Variants in IRX5 observed in about 807,000 individuals in gnomAD.
The protein encoded by IRX5 is iroquois-class homeodomain protein IRX-5.
In IRX5, 8 loss-of-function variants were observed where a neutral mutation model predicts 37.6. The observed-to-expected ratio is 0.21, with a 90% CI of 0.12 to 0.38. IRX5 has a LOEUF of 0.38. Among genes scored for constraint, IRX5 ranks in the 10% least tolerant of loss-of-function variants. The pLI, the probability that IRX5 is intolerant of heterozygous loss-of-function variation, is 1.00. For synonymous variants in IRX5, 359 were observed against 328.6 expected (o/e 1.09, Z -1.00); for missense variants, 635 against 695.2 (o/e 0.91, Z 0.97).
rs1239599158 is a variant in IRX5 at position 54,933,775 on chromosome 16, G to C, written c.1354G>C (p.Ala452Pro). 6.2e-7 allele frequency: 1 copy of C among 1,614,122 alleles called. No homozygotes were observed. Among genetic ancestry groups the C allele is most frequent in the South Asian group, 1.1e-5 (1 of 91,076 alleles). ...LNQTVLNRAD[A>P]LAKDPKMLRS... ...CCAGACCGTGTTGAACCGAGCGGAC[G>C]CTTTGGCTAAAGACCCGAAAATGTT... is the stretch of plus-strand genomic sequence containing the variant. The change falls in exon 3 of 3, where the codon GCT (alanine) becomes CCT (proline). Residue 452 changes from alanine to proline, a missense_variant. Transcript: ENST00000394636.
Position 54,933,150 on chromosome 16 carries a change from G to C in IRX5, c.729G>C (p.Thr243=), listed in dbSNP as rs1318938212. ...QGPPTPAGKE[T]EGSLSDSDFK... is the part of the protein sequence containing the mutation. The stretch of plus-strand genomic sequence containing the variant: ...CACCCACCCCTGCAGGCAAGGAGAC[G>C]GAGGGCAGCCTCAGCGACTCGGATT... The change falls in exon 3 of 3, where the codon ACG becomes ACC. Residue 243 remains threonine, a synonymous_variant. Coordinates refer to ENST00000394636, the MANE Select transcript of IRX5 (RefSeq NM_005853.6). The C allele has an allele frequency of 1.3e-6, 2 of 1,580,108 alleles. No homozygotes were observed. Among genetic ancestry groups the C allele is most frequent in the East Asian group, 2.3e-5 (1 of 43,748 alleles).
chr16:54,932,967 G>T lies in IRX5; in HGVS notation c.655+64G>T. 6.3e-7 allele frequency: 1 copy of T among 1,585,118 alleles called. No homozygotes were observed. Among genetic ancestry groups the T allele is most frequent in the East Asian group, 2.2e-5 (1 of 44,562 alleles). On this transcript the variant is annotated intron_variant, in intron 2 of 2. Coordinates refer to ENST00000394636, the MANE Select transcript of IRX5 (RefSeq NM_005853.6). This position sits in a 1 kb window ranked among gnomAD's most constrained non-coding sequence, Gnocchi z 6.7. ...AAAAGGAAAAGAGAGGCCTGGAGGG[G>T]GCGCGCACGGGGCCTGGAGGTTGGG... is the stretch of plus-strand genomic sequence containing the variant.
chr16:54,932,358 C>A lies in IRX5; in HGVS notation c.250-140C>A. 1 of 986,402 alleles carries A rather than the reference C, an allele frequency of 1.0e-6. No individual in the cohort carries two copies. The highest frequency in any genetic ancestry group is 1.5e-6 in the Non-Finnish European group (1 of 685,000). 61.1% of individuals were successfully genotyped at this position (986,402 alleles called of 1,614,324 possible). The stretch of plus-strand genomic sequence containing the variant: ...AGTTGCTCCTAGGTCTGAACCCCGC[C>A]AGCCTTGCCCCGTAGGAAGCTGGAG... On this transcript the variant is annotated intron_variant, in intron 1 of 2. Coordinates refer to ENST00000394636, the MANE Select transcript of IRX5 (RefSeq NM_005853.6). The surrounding 1 kb of genome is among the most constrained non-coding windows in gnomAD (Gnocchi z 6.7).
In IRX5 at chr16:54,932,918, G is replaced by A. The variant is rs1271975785; in HGVS notation, c.655+15G>A. ...CCCCGAAGCAGGTTGGTGGACATGG[G>A]AAAGGGCGTGTTGGGCGGGAGTAAA... is the stretch of plus-strand genomic sequence containing the variant. On this transcript the variant is annotated intron_variant, in intron 2 of 2. Transcript: ENST00000394636. This position sits in a 1 kb window ranked among gnomAD's most constrained non-coding sequence, Gnocchi z 6.7. 6 of 1,601,376 alleles carry A rather than the reference G, an allele frequency of 3.7e-6. No individual in the cohort carries two copies. Among genetic ancestry groups the A allele is most frequent in the Non-Finnish European group, 5.1e-6 (6 of 1,174,236 alleles).
Position 54,931,353 on chromosome 16 carries a change from C to T in IRX5, c.155C>T (p.Thr52Ile). ...GSAFSPYAGS[T>I]AFTAPSPGYN... ...GCGTTCTCGCCCTACGCTGGCTCGACTGCCTTCACGGCGCCCTCGCCGGGC... is the reference window on the plus strand; with the variant it reads ...GCGTTCTCGCCCTACGCTGGCTCGATTGCCTTCACGGCGCCCTCGCCGGGC... Residue 52 changes from threonine to isoleucine, a missense_variant, in exon 1 of 3, where the codon ACT becomes ATT. By Grantham distance (89) the Thr-to-Ile change is moderately conservative. Around this residue, in one of 5 missense-constraint regions of IRX5, gnomAD observed 145 missense variants for 152.4 expected, o/e 0.95. Transcript: ENST00000394636. 6.2e-7 allele frequency: 1 copy of T among 1,608,810 alleles called. No individual in the cohort carries two copies. Among genetic ancestry groups the T allele is most frequent in the South Asian group, 1.1e-5 (1 of 91,016 alleles).
intron 1 of IRX5, among the ~76,000 whole-genome samples, chr16:54,931,827 A>C (rs1176689626): frequency 3.3e-5 from 5 of 152,230 alleles, no homozygotes; most frequent in African/African-American, 1.2e-4. Context: ...AAGCGTGCTA[A>C]GTCTATGTAA....
Position 54,933,274 on chromosome 16 carries a change from G to A in IRX5, c.853G>A (p.Glu285Lys). Residue 285 changes from glutamate (E) to lysine (K), a missense_variant, in exon 3 of 3, where the codon GAG becomes AAG. Around this residue, in one of 5 missense-constraint regions of IRX5, gnomAD observed 244 missense variants for 205.4 expected, o/e 1.19. Coordinates refer to ENST00000394636, the MANE Select transcript of IRX5 (RefSeq NM_005853.6). ...TGGGCCAGCGGCGGCGCGGCTGGCG[G>A]AGGACCCGGCCCCTCACTACCCCGC... ...PAGPAAARLA[E>K]DPAPHYPAGA... 1 of 1,326,802 alleles carries A rather than the reference G, an allele frequency of 7.5e-7. No individual in the cohort carries two copies. The highest frequency in any genetic ancestry group is 2.2e-5 in the South Asian group (1 of 46,438). 82.2% of individuals were successfully genotyped at this position (1,326,802 alleles called of 1,614,324 possible). A position where few individuals can be genotyped will look rare whatever the true frequency, so the allele number is the denominator to read the frequency against.
chr16:54,932,687 A>G lies in IRX5; in HGVS notation c.439A>G (p.Ile147Val), dbSNP rs886163302. 2 of 1,613,930 alleles carry G rather than the reference A, an allele frequency of 1.2e-6. No homozygotes were observed. ...KNPYPTKGEK[I>V]MLAIITKMTL... ...CCCCTACCCCACCAAGGGCGAGAAG[A>G]TCATGCTGGCCATCATCACCAAGAT... The change falls in exon 2 of 3, where the codon ATC becomes GTC. Residue 147 changes from isoleucine (I) to valine (V), a missense_variant. Ile to Val is a conservative substitution (Grantham distance 29). Coordinates refer to ENST00000394636, the MANE Select transcript of IRX5 (RefSeq NM_005853.6). The surrounding 1 kb of genome is among the most constrained non-coding windows in gnomAD (Gnocchi z 6.7).
chr16:54,932,580 AC>A lies in IRX5; in HGVS notation c.333del (p.Tyr111Ter). The A allele has an allele frequency of 6.2e-7, 1 of 1,613,974 alleles. No homozygotes were observed. Among genetic ancestry groups the A allele is most frequent in the South Asian group, 1.1e-5 (1 of 91,066 alleles). On this transcript the variant is annotated frameshift_variant, in exon 2 of 3. Coordinates refer to ENST00000394636, the MANE Select transcript of IRX5 (RefSeq NM_005853.6). LOFTEE classifies it high-confidence loss of function. This position sits in a 1 kb window ranked among gnomAD's most constrained non-coding sequence, Gnocchi z 6.7. ...PYAAPLGSYP[Y>X]GDPAYRKNAT... ...GCGGCGCCCCTGGGATCGTACCCTTACGGGGACCCAGCGTACCGGAAGAACG... is the reference window on the plus strand; with the variant it reads ...GCGGCGCCCCTGGGATCGTACCCTTAGGGGACCCAGCGTACCGGAAGAACG...
rs1963909419 is a variant in IRX5, at chr16:54,932,422, G to T, written c.250-76G>T. 6.7e-7 allele frequency: 1 copy of T among 1,501,838 alleles called. No homozygotes were observed. 93.0% of individuals were successfully genotyped at this position (1,501,838 alleles called of 1,614,324 possible). A position where few individuals can be genotyped will look rare whatever the true frequency, so the allele number is the denominator to read the frequency against. ...CACCCACAGACCCCGGGGAGCGCAG[G>T]GAAAAGGGTGCTTCGGTCGTTCCGA... On this transcript the variant is annotated intron_variant, in intron 1 of 2. Transcript: ENST00000394636. This position sits in a 1 kb window ranked among gnomAD's most constrained non-coding sequence, Gnocchi z 6.7.
At position 54,931,160 on chromosome 16, in the gene IRX5, G is replaced by C; in HGVS notation, c.-39G>C. 7.6e-7 allele frequency: 1 copy of C among 1,317,800 alleles called. No homozygotes were observed. The highest frequency in any genetic ancestry group is 3.0e-5 in the East Asian group (1 of 33,126). 81.6% of individuals were successfully genotyped at this position (1,317,800 alleles called of 1,614,324 possible). A position where few individuals can be genotyped will look rare whatever the true frequency, so the allele number is the denominator to read the frequency against. On this transcript the variant is annotated 5_prime_UTR_variant, in exon 1 of 3. Transcript: ENST00000394636. ...TCGCAGGGCGCCGCCCGGCTCGTTG[G>C]CGGCCGCGGCGCGGCGCGCCCCATG...
intron 1 of IRX5, chr16:54,931,956 CG>C (rs1963902589): frequency 1.6e-6 from 1 of 637,742 alleles, no homozygotes; most frequent in Non-Finnish European, 2.8e-6. Flanking sequence ...GCGGTGCATC[CG>C]GGATTTTTCG....
rs1248074585 is a variant in IRX5, at chr16:54,931,322, G to C, written c.124G>C (p.Gly42Arg). ...RTDELGRSSS[G>R]SAFSPYAGST... Reference sequence around the variant, plus strand: ...GGATGAGCTCGGCCGCTCTTCTTCGGGCTCCGCGTTCTCGCCCTACGCTGG... The same window carrying C: ...GGATGAGCTCGGCCGCTCTTCTTCGCGCTCCGCGTTCTCGCCCTACGCTGG... Residue 42 changes from glycine to arginine, a missense_variant, in exon 1 of 3, where the codon GGC (glycine) becomes CGC (arginine). Coordinates refer to ENST00000394636, the MANE Select transcript of IRX5 (RefSeq NM_005853.6). The C allele has an allele frequency of 1.2e-6, 2 of 1,611,760 alleles. No homozygotes were observed. Among genetic ancestry groups the C allele is most frequent in the African/African-American group, 2.7e-5 (2 of 74,902 alleles).
Position 54,932,913 on chromosome 16 carries a change from C to G in IRX5, c.655+10C>G. The G allele has an allele frequency of 6.2e-7, 1 of 1,603,908 alleles. No individual in the cohort carries two copies. Among genetic ancestry groups the G allele is most frequent in the South Asian group, 1.1e-5 (1 of 90,114 alleles). ...GAGGGCCCCGAAGCAGGTTGGTGGA[C>G]ATGGGAAAGGGCGTGTTGGGCGGGA... On this transcript the variant is annotated intron_variant, in intron 2 of 2. Coordinates refer to ENST00000394636, the MANE Select transcript of IRX5 (RefSeq NM_005853.6). The surrounding 1 kb of genome is among the most constrained non-coding windows in gnomAD (Gnocchi z 6.7).
rs779991908 is a variant in IRX5, at chr16:54,932,680, C to G, written c.432C>G (p.Gly144=). The G allele has an allele frequency of 3.0e-5, 48 of 1,613,886 alleles. No homozygotes were observed. The African/African-American group carries it at 5.7e-4, about 19-fold the overall frequency. The stretch of plus-strand genomic sequence containing the variant: ...GCAAGAACCCCTACCCCACCAAGGG[C>G]GAGAAGATCATGCTGGCCATCATCA... ...EHRKNPYPTK[G]EKIMLAIITK... Residue 144 remains glycine (G), a synonymous_variant, in exon 2 of 3, where the codon GGC becomes GGG. Transcript: ENST00000394636. This position sits in a 1 kb window ranked among gnomAD's most constrained non-coding sequence, Gnocchi z 6.7.
chr16:54,933,573 C>T lies in IRX5; in HGVS notation c.1152C>T (p.Arg384=), dbSNP rs746931412. The T allele has an allele frequency of 1.9e-6, 3 of 1,608,854 alleles. No individual in the cohort carries two copies. Among genetic ancestry groups the T allele is most frequent in the Non-Finnish European group, 2.5e-6 (3 of 1,177,432 alleles). The part of the protein sequence containing the change: ...SRASPAPAPS[R]SPSAQCPFPG... ...CGTCGCCGGCCCCGGCGCCGTCACGCTCGCCCTCGGCGCAGTGTCCTTTTC... is the reference window on the plus strand; with the variant it reads ...CGTCGCCGGCCCCGGCGCCGTCACGTTCGCCCTCGGCGCAGTGTCCTTTTC... Residue 384 remains arginine (R), a synonymous_variant, in exon 3 of 3, where the codon CGC becomes CGT. Coordinates refer to ENST00000394636, the MANE Select transcript of IRX5 (RefSeq NM_005853.6).
Position 54,933,207 on chromosome 16 carries a change from C to T in IRX5, c.786C>T (p.Asp262=). Residue 262 remains aspartate (D), a synonymous_variant, in exon 3 of 3, where the codon GAC becomes GAT. Transcript: ENST00000394636. ...AGCCGCCCTCGGAGGGCCGCCTCGACGCGCTGCAGGGCCCCCCCCGCACCG... is the reference window on the plus strand; with the variant it reads ...AGCCGCCCTCGGAGGGCCGCCTCGATGCGCTGCAGGGCCCCCCCCGCACCG... ...FKEPPSEGRL[D]ALQGPPRTGG... is the part of the protein sequence containing the mutation. 3 of 1,532,812 alleles carry T rather than the reference C, an allele frequency of 2.0e-6. No individual in the cohort carries two copies. The highest frequency in any genetic ancestry group is 1.7e-6 in the Non-Finnish European group (2 of 1,146,496). The allele number at this position is 1,532,812 out of a possible 1,614,324, so 95.0% of individuals were successfully genotyped here. A position where few individuals can be genotyped will look rare whatever the true frequency, so the allele number is the denominator to read the frequency against.
chr16:54,933,453 G>A lies in IRX5; in HGVS notation c.1032G>A (p.Ser344=). 3.1e-6 allele frequency: 5 copies of A among 1,611,718 alleles called. No individual in the cohort carries two copies. The highest frequency in any genetic ancestry group is 4.2e-6 in the Non-Finnish European group (5 of 1,179,418). The change falls in exon 3 of 3, where the codon TCG becomes TCA. Residue 344 remains serine, a synonymous_variant. Coordinates refer to ENST00000394636, the MANE Select transcript of IRX5 (RefSeq NM_005853.6). ...CTTTGGCAGAGATCGCCACATCGTC[G>A]GACAAGGTCAAGGACGGGGGCGGCG... The part of the protein sequence containing the change: ...LWSLAEIATS[S]DKVKDGGGGN...
chr16:54,933,530 C>G lies in IRX5; in HGVS notation c.1109C>G (p.Ala370Gly). 6.2e-7 allele frequency: 1 copy of G among 1,607,828 alleles called. No homozygotes were observed. Among genetic ancestry groups the G allele is most frequent in the Non-Finnish European group, 8.5e-7 (1 of 1,177,072 alleles). The change falls in exon 3 of 3, where the codon GCC becomes GGC. Residue 370 changes from alanine to glycine, a missense_variant. By Grantham distance (60) the Ala-to-Gly change is moderately conservative (BLOSUM62 0). Transcript: ENST00000394636. The part of the protein sequence containing the change: ...PPCPGPIAGQ[A>G]LGGSRASPAP... The stretch of plus-strand genomic sequence containing the variant: ...TGTCCCGGGCCCATAGCCGGGCAAG[C>G]CCTAGGAGGCAGCCGGGCGTCGCCG...
Sources: allele counts gnomAD v4.1 joint callset (sites outside exome capture counted in the v4.1 genomes callset), GRCh38; gene constraint gnomAD v4.1.1; regional missense constraint gnomAD v4.1.1; non-coding constraint Gnocchi (gnomAD v3.1); transcripts MANE v1.5; gene names NCBI Gene and HGNC (gene_info 2026-07-23, HGNC 2026-07-21).